SAMD4A: variants seen among roughly 807,000 people sequenced by gnomAD.
SAMD4A encodes the protein protein Smaug homolog 1.
SAMD4A carries 33 observed loss-of-function variants against 81.3 expected under a neutral mutation model. The ratio of observed to expected loss-of-function variants is 0.41; its 90% confidence interval spans 0.31 to 0.54. The LOEUF (loss-of-function observed/expected upper bound fraction) is 0.54, where lower values mean the gene tolerates loss of function less well. Among genes scored for constraint, SAMD4A ranks in the 20% least tolerant of loss-of-function variants. The pLI, the probability that SAMD4A is intolerant of heterozygous loss-of-function variation, is 0.37. For missense variants in SAMD4A, 854 were observed against 951.1 expected (o/e 0.90, Z 1.34); for synonymous variants, 389 against 382.1 (o/e 1.02, Z -0.21).
chr14:54,754,784 C>T (rs1260510520), intron 6 of SAMD4A: 3 of 982,522 alleles, frequency 3.1e-6, no homozygotes, highest in East Asian at 1.1e-4. Context: ...ATAGTTAGTT[C>T]ATAATCAGTG....
chr14:54,731,565 T>C (rs2037559002), intron 3 of SAMD4A, among the ~76,000 whole-genome samples: 1 of 152,228 alleles, frequency 6.6e-6, no homozygotes, highest in Non-Finnish European at 1.5e-5. Flanking sequence ...TAAATTGCTA[T>C]GACTTATTTT....
chr14:54,628,067 C>T lies in SAMD4A; in HGVS notation c.196+59955C>T, dbSNP rs569046124. 9.3e-4 allele frequency among the ~76,000 whole-genome samples: 142 copies of T among 151,962 alleles called. 1 individual carries two copies. The highest frequency in any genetic ancestry group is 3.3e-3 in the African/African-American group (136 of 41,458). On this transcript the variant is annotated intron_variant, in intron 2 of 12. Coordinates refer to ENST00000554335, the MANE Select transcript of SAMD4A (RefSeq NM_015589.6). The stretch of plus-strand genomic sequence containing the variant: ...GGGTATTTCTGAGTCTTGGTGGTCT[C>T]GGGCCTTGAAATTCCATTTCCTCTC...
Position 54,770,231 on chromosome 14 carries a change from G to A in SAMD4A, c.1715+9G>A. On this transcript the variant is annotated intron_variant, in intron 9 of 12. Transcript: ENST00000554335. ...TATCGACAGCAAAGAAAGTATGTTG[G>A]GATTTCATTCTTTGTAATGCGTAGT... 1 of 1,579,792 alleles carries A rather than the reference G, an allele frequency of 6.3e-7. No homozygotes were observed. Among genetic ancestry groups the A allele is most frequent in the Non-Finnish European group, 8.7e-7 (1 of 1,150,258 alleles).
chr14:54,721,876 C>T (rs2037271028), intron 3 of SAMD4A, among the ~76,000 whole-genome samples: 2 of 152,140 alleles, frequency 1.3e-5, no homozygotes, highest in African/African-American at 4.8e-5. Context: ...TCTCTAGGGC[C>T]TAGGTCTTAG....
chr14:54,650,659 C>T (rs1285503945), intron 2 of SAMD4A, among the ~76,000 whole-genome samples: 1 of 152,204 alleles, frequency 6.6e-6, no homozygotes, highest in Non-Finnish European at 1.5e-5. Context: ...ACTGCTAGAC[C>T]AGTTCCATCC....
intron 2 of SAMD4A, chr14:54,682,008 G>C (rs2036139420): frequency 1.0e-6 from 1 of 985,268 alleles, no homozygotes; most frequent in African/African-American, 1.7e-5. Context: ...CTGGGTCTAG[G>C]ACTGGCCTTA....
intron 3 of SAMD4A, chr14:54,735,182 C>T (rs190287124): frequency 6.6e-6 from 1 of 150,804 alleles, no homozygotes; most frequent in East Asian, 2.0e-4. Flanking sequence ...TTCCTATTGG[C>T]TTCTCTTTTC....
intron 4 of SAMD4A, among the ~76,000 whole-genome samples, chr14:54,747,662 C>T (rs1405684214): frequency 6.6e-6 from 1 of 152,188 alleles, no homozygotes; most frequent in African/African-American, 2.4e-5. Context: ...AGTTTACAGC[C>T]ACTGTTTTTC....
intron 2 of SAMD4A, among the ~76,000 whole-genome samples, chr14:54,667,655 G>A (rs1014146957): frequency 6.6e-6 from 1 of 152,104 alleles, no homozygotes; most frequent in Admixed American, 6.5e-5. Flanking sequence ...TTGTGGGGAC[G>A]GCTCTGTGGA....
intron 3 of SAMD4A, among the ~76,000 whole-genome samples, chr14:54,724,003 T>C (rs74706440): frequency 5.3e-5 from 3 of 56,494 alleles, no homozygotes; most frequent in Non-Finnish European, 8.7e-5. Context: ...GATGGATGGA[T>C]GGATGGAAGG....
At chr14:54,763,813 G>A (rs1365381660) in intron 7 of SAMD4A, among the ~76,000 whole-genome samples, 1 of 152,208 alleles carries the variant, frequency 6.6e-6, no homozygotes, top group Non-Finnish European at 1.5e-5. Flanking sequence ...CCTAGTGCGT[G>A]TGTATACTCT....
At chr14:54,777,940 G>A (rs1239365662) in intron 11 of SAMD4A, among the ~76,000 whole-genome samples, 10 of 152,042 alleles carry the variant, frequency 6.6e-5, no homozygotes, top group Non-Finnish European at 1.3e-4. Context: ...AAAATTTGGG[G>A]GTTCTGAAGG....
intron 7 of SAMD4A, 48 bp downstream of exon 7, chr14:54,760,542 C>A (rs1327970509): frequency 1.5e-6 from 2 of 1,368,564 alleles, no homozygotes; most frequent in Non-Finnish European, 1.9e-6. Context: ...TACCACTAAC[C>A]AGAGCGACAG....
chr14:54,737,857 T>C (rs187207902), intron 4 of SAMD4A, among the ~76,000 whole-genome samples: 10 of 152,310 alleles, frequency 6.6e-5, no homozygotes, highest in Non-Finnish European at 1.3e-4. Flanking sequence ...TGAGAATCTC[T>C]AACAGTGTTT....
At chr14:54,764,966 G>A (rs1342244197) in intron 8 of SAMD4A, among the ~76,000 whole-genome samples, 1 of 152,216 alleles carries the variant, frequency 6.6e-6, no homozygotes, top group Non-Finnish European at 1.5e-5. Flanking sequence ...TAATGAATGT[G>A]TATATGTGTG....
Position 54,776,426 on chromosome 14 carries a change from G to A in SAMD4A, c.1930G>A (p.Ala644Thr), listed in dbSNP as rs1337004397. 47 of 1,590,228 alleles carry A rather than the reference G, an allele frequency of 3.0e-5. No individual in the cohort carries two copies. Among genetic ancestry groups the A allele is most frequent in the Non-Finnish European group, 3.9e-5 (46 of 1,169,690 alleles). The change falls in exon 11 of 13, where the codon GCC becomes ACC. Residue 644 changes from alanine to threonine, a missense_variant. This residue lies in a region of SAMD4A where 428 missense variants were observed against 471.2 expected (regional missense o/e 0.91). Transcript: ENST00000554335. ...MKQGRQNLWF[A>T]NPGGSNSMPS... is the part of the protein sequence containing the mutation. ...CTTTTCTCACCAGAACCTGTGGTTT[G>A]CCAACCCCGGGGGCAGCAATAGCAT...
At chr14:54,685,791 C>G (rs1236971190) in intron 2 of SAMD4A, 2 of 456,528 alleles carry the variant, frequency 4.4e-6, no homozygotes, top group African/African-American at 2.0e-5. Flanking sequence ...CTCCAGAATT[C>G]CATGATTTTC....
chr14:54,642,121 T>C (rs1258470368), intron 2 of SAMD4A, among the ~76,000 whole-genome samples: 1 of 152,186 alleles, frequency 6.6e-6, no homozygotes, highest in Admixed American at 6.5e-5. Context: ...TTTTAAGTTC[T>C]TGGAAGGTAG....
At chr14:54,586,007 C>G (rs974004697) in intron 2 of SAMD4A, among the ~76,000 whole-genome samples, 4 of 152,098 alleles carry the variant, frequency 2.6e-5, no homozygotes, top group African/African-American at 9.7e-5. Context: ...CTTTAAGGCA[C>G]CTGAACACTG....
Sources: allele counts gnomAD v4.1 joint callset (sites outside exome capture counted in the v4.1 genomes callset), GRCh38; gene constraint gnomAD v4.1.1; regional missense constraint gnomAD v4.1.1; transcripts MANE v1.5; gene names NCBI Gene and HGNC (gene_info 2026-07-23, HGNC 2026-07-21).